The following PBX3 variants were observed in gnomAD, a reference collection of about 807,000 sequenced individuals.
The protein encoded by PBX3 is PBX homeobox 3, also known as pre-B-cell leukemia transcription factor 3.
PBX3 carries 14 observed loss-of-function variants against 48.5 expected under a neutral mutation model. The observed-to-expected ratio is 0.29, with a 90% CI of 0.19 to 0.45. The LOEUF (loss-of-function observed/expected upper bound fraction) is 0.45. Among genes scored for constraint, PBX3 ranks in the 20% least tolerant of loss-of-function variants. The probability of loss-of-function intolerance (pLI) is 1.00; values close to 1 mark genes in which losing one functional copy is unlikely to be tolerated. For synonymous variants in PBX3, 210 were observed against 200.3 expected (o/e 1.05, Z -0.41); for missense variants, 386 against 546.7 (o/e 0.71, Z 2.93).
chr9:125,793,366 A>AAATATATATATATATAT (rs59271982), intron 2 of PBX3, among the ~76,000 whole-genome samples: 8 of 101,934 alleles, frequency 7.8e-5, no homozygotes, highest in African/African-American at 3.0e-4. Flanking sequence ...GGAAAAAAAA[A>AAATATATATATATATAT]ATATATATAT....
chr9:125,851,252 T>C (rs938963028), intron 2 of PBX3, among the ~76,000 whole-genome samples: 1 of 152,114 alleles, frequency 6.6e-6, no homozygotes, highest in Non-Finnish European at 1.5e-5. Context: ...CATCTTAAAG[T>C]GCGAGACACA....
chr9:125,794,379 G>A (rs1016950938), intron 2 of PBX3, among the ~76,000 whole-genome samples: 1 of 152,134 alleles, frequency 6.6e-6, no homozygotes, highest in Non-Finnish European at 1.5e-5. Context: ...GAGAAGCTCA[G>A]TGTTAAGGCA....
intron 5 of PBX3, among the ~76,000 whole-genome samples, chr9:125,945,144 A>T (rs1350918781): frequency 6.6e-6 from 1 of 152,022 alleles, no homozygotes; most frequent in African/African-American, 2.4e-5. Context: ...GAATTGCTTG[A>T]ATCCAGGAGG....
chr9:125,759,301 T>C lies in PBX3; in HGVS notation c.274+10678T>C, dbSNP rs889886897. ...TATTCACTGAAGAAACAATTGACTTTAGCTTTTCTGTTGTTAAAGTGGCCC... is the reference window on the plus strand; with the variant it reads ...TATTCACTGAAGAAACAATTGACTTCAGCTTTTCTGTTGTTAAAGTGGCCC... On this transcript the variant is annotated intron_variant, in intron 2 of 8. Coordinates refer to ENST00000373489, the MANE Select transcript of PBX3 (RefSeq NM_006195.6). This position sits in a 1 kb window ranked among gnomAD's most constrained non-coding sequence, Gnocchi z 4.2. Among the ~76,000 whole-genome samples, 1 of 152,208 alleles carries C rather than the reference T, an allele frequency of 6.6e-6. No homozygotes were observed. Among genetic ancestry groups the C allele is most frequent in the African/African-American group, 2.4e-5 (1 of 41,452 alleles).
At chr9:125,831,912 C>T (rs1338629255) in intron 2 of PBX3, among the ~76,000 whole-genome samples, 11 of 152,082 alleles carry the variant, frequency 7.2e-5, no homozygotes, top group Non-Finnish European at 1.5e-4. Context: ...TCTGCCATTT[C>T]TCCAAAGAGC....
intron 5 of PBX3, among the ~76,000 whole-genome samples, chr9:125,952,050 G>C (rs1302646686): frequency 6.6e-6 from 1 of 152,190 alleles, no homozygotes; most frequent in East Asian, 1.9e-4. Flanking sequence ...GGGAGAAACT[G>C]TTTGTTAGAG....
chr9:125,748,274 C>T (rs1836261413), intron 1 of PBX3: 1 of 1,077,044 alleles, frequency 9.3e-7, no homozygotes, highest in Non-Finnish European at 1.1e-6. Context: ...GCCCCCGGGG[C>T]GAGGCTCCCC....
chr9:125,747,677 C>T lies in PBX3; in HGVS notation c.200+24C>T, dbSNP rs370376097. On this transcript the variant is annotated intron_variant, in intron 1 of 8. Coordinates refer to ENST00000373489, the MANE Select transcript of PBX3 (RefSeq NM_006195.6). The stretch of plus-strand genomic sequence containing the variant: ...AAGTTGGTGTCGTCTCATTAAGCAT[C>T]TTTTGTGTGTGTGCGGGAGCCGGGC... 3.2e-6 allele frequency: 5 copies of T among 1,542,308 alleles called. No homozygotes were observed. In the South Asian group the frequency reaches 4.7e-5, roughly 15 times the overall value.
chr9:125,891,111 T>C (rs1312677272), intron 2 of PBX3, among the ~76,000 whole-genome samples: 2 of 152,260 alleles, frequency 1.3e-5, no homozygotes, highest in African/African-American at 2.4e-5. Context: ...ATGAAATAGA[T>C]AACATGTATT....
intron 2 of PBX3, among the ~76,000 whole-genome samples, chr9:125,865,538 A>G (rs1031525734): frequency 2.0e-5 from 3 of 152,172 alleles, no homozygotes; most frequent in African/African-American, 7.2e-5. Flanking sequence ...TATTATTACT[A>G]TGTTTTAACA....
intron 2 of PBX3, among the ~76,000 whole-genome samples, chr9:125,895,639 G>A (rs998216823): frequency 7.2e-5 from 11 of 152,044 alleles, no homozygotes; most frequent in Non-Finnish European, 1.6e-4. Context: ...TACCATAATT[G>A]TGATAGATAT....
intron 2 of PBX3, among the ~76,000 whole-genome samples, chr9:125,871,490 A>G (rs897393980): frequency 6.6e-6 from 1 of 152,162 alleles, no homozygotes; most frequent in Non-Finnish European, 1.5e-5. Flanking sequence ...GTAGGAATGA[A>G]CTCTTCCACA....
chr9:125,788,996 A>G (rs1837530168), intron 2 of PBX3, among the ~76,000 whole-genome samples: 1 of 151,882 alleles, frequency 6.6e-6, no homozygotes, highest in Admixed American at 6.6e-5. Context: ...CTAATATTGC[A>G]TGTTTTTGAA....
intron 2 of PBX3, among the ~76,000 whole-genome samples, chr9:125,812,360 T>C (rs1023320890): frequency 2.7e-4 from 41 of 152,248 alleles, no homozygotes; most frequent in African/African-American, 9.9e-4. Flanking sequence ...TTACCAAATA[T>C]ATGCATTTAA....
At chr9:125,755,183 A>G (rs565442288) in intron 2 of PBX3, among the ~76,000 whole-genome samples, 1 of 152,236 alleles carries the variant, frequency 6.6e-6, no homozygotes, top group East Asian at 1.9e-4. Context: ...ACATTAAAAA[A>G]TTCATAAATT....
intron 2 of PBX3, among the ~76,000 whole-genome samples, chr9:125,905,586 C>A (rs1306195493): frequency 6.6e-6 from 1 of 151,034 alleles, no homozygotes; most frequent in African/African-American, 2.4e-5. Context: ...AGATTAGTTT[C>A]CTAAAGGGTT....
intron 2 of PBX3, among the ~76,000 whole-genome samples, chr9:125,879,077 CTTTTT>C (rs36094728): frequency 8.0e-6 from 1 of 124,626 alleles, no homozygotes. Context: ...ACATGCTATT[CTTTTT>C]TTTTTTTTTT....
chr9:125,862,748 A>AT (rs1340226770), intron 2 of PBX3, among the ~76,000 whole-genome samples: 3 of 152,178 alleles, frequency 2.0e-5, no homozygotes, highest in Non-Finnish European at 4.4e-5. Flanking sequence ...AAAGGATGAT[A>AT]TTGTATGGAA....
At chr9:125,766,316 C>T (rs1836799689) in intron 2 of PBX3, among the ~76,000 whole-genome samples, 1 of 151,920 alleles carries the variant, frequency 6.6e-6, no homozygotes, top group African/African-American at 2.4e-5. Flanking sequence ...TACCTGGATC[C>T]TAAGTAATTT....
Sources: allele counts gnomAD v4.1 joint callset (sites outside exome capture counted in the v4.1 genomes callset), GRCh38; gene constraint gnomAD v4.1.1; non-coding constraint Gnocchi (gnomAD v3.1); transcripts MANE v1.5; gene names NCBI Gene and HGNC (gene_info 2026-07-23, HGNC 2026-07-21).